Variants in CELF2 observed in about 807,000 individuals in gnomAD.
The protein encoded by CELF2 is CUGBP Elav-like family member 2, also known as CUG triplet repeat RNA-binding protein 2.
A neutral mutation model predicts 62.6 loss-of-function variants in CELF2; 8 were observed. The observed-to-expected ratio is 0.13, with a 90% CI of 0.07 to 0.23. The LOEUF is 0.23. Ranked by LOEUF, CELF2 falls within the 10% of genes least tolerant of loss-of-function variation. The pLI is 1.00. For synonymous variants in CELF2, 258 were observed against 250.0 expected, an observed-to-expected ratio of 1.03 and a Z score of -0.30; for missense variants, 333 against 671.0, an observed-to-expected ratio of 0.50 and a Z score of 5.56.
In CELF2 at chr10:11,104,943, G is replaced by A. The variant is rs192843033; in HGVS notation, c.75-60543G>A. Among the ~76,000 whole-genome samples the A allele has an allele frequency of 1.5e-4, 23 of 152,306 alleles. No individual in the cohort carries two copies. In the South Asian group the frequency reaches 2.3e-3, roughly 15 times the overall value. The stretch of plus-strand genomic sequence containing the variant: ...TGAAAACTGAGCTGCAGGGGCAGCT[G>A]CCAATTACAGTTGTGTAATCACCTT... On this transcript the variant is annotated intron_variant, in intron 1 of 12. Transcript: ENST00000633077.
the CELF2 span, among the ~76,000 whole-genome samples, chr10:10,500,304 CT>C: frequency 2.0e-5 from 3 of 152,108 alleles, no homozygotes; most frequent in Admixed American, 1.3e-4. Context: ...TAATTTTCCC[CT>C]AATAGTAACA....
rs1395500760 is a variant in CELF2 at position 11,157,949 on chromosome 10, G to GC, written c.75-7531dup. Among the ~76,000 whole-genome samples, 4 of 152,206 alleles carry GC rather than the reference G, an allele frequency of 2.6e-5. No individual in the cohort carries two copies. Among genetic ancestry groups the GC allele is most frequent in the Non-Finnish European group, 2.9e-5 (2 of 68,036 alleles). On this transcript the variant is annotated intron_variant, in intron 1 of 12. Transcript: ENST00000633077. This position sits in a 1 kb window ranked among gnomAD's most constrained non-coding sequence, Gnocchi z 4.9. ...ATCAGATGTCGTGTGTCTTTCGTTT[G>GC]CCCCCCTTGATGTGGGTCCCTTTAA...
rs1039785939 is a variant in CELF2, at chr10:11,223,250, G to T, written c.354+5743G>T. 6.6e-6 allele frequency among the ~76,000 whole-genome samples: 1 copy of T among 152,212 alleles called. No individual in the cohort carries two copies. Among genetic ancestry groups the T allele is most frequent in the African/African-American group, 2.4e-5 (1 of 41,448 alleles). On this transcript the variant is annotated intron_variant, in intron 3 of 12. Transcript: ENST00000633077. This position sits in a 1 kb window ranked among gnomAD's most constrained non-coding sequence, Gnocchi z 5.1. ...CAGGCCTGAGCGGGGCACTGCCTGAGGAGCTTCCTGAGCCATGAGGAAACA... is the reference window on the plus strand; with the variant it reads ...CAGGCCTGAGCGGGGCACTGCCTGATGAGCTTCCTGAGCCATGAGGAAACA...
At chr10:11,070,795 AG>A (rs2069695982) in intron 1 of CELF2, among the ~76,000 whole-genome samples, 1 of 152,194 alleles carries the variant, frequency 6.6e-6, no homozygotes, top group South Asian at 2.1e-4. Context: ...TGTTCGGGGA[AG>A]GGTGCATAGC....
chr10:10,965,492 A>G (rs917191184), intron 2 of CELF2, among the ~76,000 whole-genome samples: 5 of 152,204 alleles, frequency 3.3e-5, no homozygotes, highest in South Asian at 4.1e-4. Flanking sequence ...TCTTGTTGAA[A>G]TTCAATTCTG....
chr10:10,898,554 A>G (rs1471810337), intron 1 of CELF2, among the ~76,000 whole-genome samples: 1 of 152,236 alleles, frequency 6.6e-6, no homozygotes. Flanking sequence ...TAAAATGGTC[A>G]GTTTATCAGC....
intron 1 of CELF2, among the ~76,000 whole-genome samples, chr10:11,084,761 A>C (rs78294099): frequency 1.3e-5 from 2 of 152,066 alleles, no homozygotes; most frequent in Non-Finnish European, 2.9e-5. Flanking sequence ...AGAAAAAAAA[A>C]CCCACGGTCT....
chr10:10,842,939 T>C lies in CELF2; in HGVS notation c.53+44122T>C, dbSNP rs181679270. Among the ~76,000 whole-genome samples, 321 of 151,974 alleles carry C rather than the reference T, an allele frequency of 2.1e-3. 1 individual carries two copies. Among genetic ancestry groups the C allele is most frequent in the African/African-American group, 7.5e-3 (312 of 41,510 alleles). On this transcript the variant is annotated intron_variant, in intron 1 of 13. Transcript: ENST00000636488. ...CAGCCTGGTACACTTCTTTGGGAGG[T>C]GGAGGAAGAAAGGTTACTTATTAAT...
intron 2 of CELF2, among the ~76,000 whole-genome samples, chr10:10,945,819 G>A (rs2047605981): frequency 1.3e-5 from 2 of 152,206 alleles, no homozygotes; most frequent in African/African-American, 4.8e-5. Context: ...CCCAGGAAAG[G>A]GGCTGTTAAT....
At chr10:11,018,479 AGT>A (rs2057704251) in intron 1 of CELF2, among the ~76,000 whole-genome samples, 1 of 142,110 alleles carries the variant, frequency 7.0e-6, no homozygotes, top group Non-Finnish European at 1.5e-5. Flanking sequence ...CCGCGGGGTG[AGT>A]GGGGGACGGG....
At chr10:10,574,363 G>C in the CELF2 span, among the ~76,000 whole-genome samples, 1 of 152,148 alleles carries the variant, frequency 6.6e-6, no homozygotes, top group African/African-American at 2.4e-5. Flanking sequence ...TTCTGCTAGT[G>C]GGGGCCATGC....
the CELF2 span, among the ~76,000 whole-genome samples, chr10:10,629,978 T>A: frequency 6.6e-6 from 1 of 151,396 alleles, no homozygotes; most frequent in Non-Finnish European, 1.5e-5. Context: ...TATGGAAAAA[T>A]TTGTACCTCC....
chr10:11,165,497 C>T lies in CELF2; in HGVS notation c.86C>T (p.Ala29Val), dbSNP rs1385324823. ...TCCGTTTTTGACAGTAACGGCACAG[C>T]CAACAAGATGAACGGAGCTTTGGAT... ...LLVPDRINGT[A>V]NKMNGALDHS... The change falls in exon 2 of 13, where the codon GCC (alanine) becomes GTC (valine). Residue 29 changes from alanine (A) to valine (V), a missense_variant. Physicochemically the swap from Ala to Val is moderately conservative, Grantham distance 64. Coordinates refer to ENST00000633077, the MANE Select transcript of CELF2 (RefSeq NM_001326342.2). This position sits in a 1 kb window ranked among gnomAD's most constrained non-coding sequence, Gnocchi z 7.4. 6.2e-7 allele frequency: 1 copy of T among 1,613,722 alleles called. No homozygotes were observed. The highest frequency in any genetic ancestry group is 1.1e-5 in the South Asian group (1 of 91,034).
chr10:10,607,960 C>A, the CELF2 span, among the ~76,000 whole-genome samples: 1 of 151,806 alleles, frequency 6.6e-6, no homozygotes. Context: ...AACTCTGTCT[C>A]TTCTAAAACT....
In CELF2 at chr10:11,313,983, A is replaced by G. The variant is rs77621214; in HGVS notation, c.977-156A>G. On this transcript the variant is annotated intron_variant, in intron 9 of 12. Coordinates refer to ENST00000633077, the MANE Select transcript of CELF2 (RefSeq NM_001326342.2). ...ATTTTTTTAATCACCAAATCTGTCAAAATTGCCACAAGTACAATCCCACAT... is the reference window on the plus strand; with the variant it reads ...ATTTTTTTAATCACCAAATCTGTCAGAATTGCCACAAGTACAATCCCACAT... Among the ~76,000 whole-genome samples the G allele has an allele frequency of 4.6e-3, 706 of 152,214 alleles. 9 individuals carry two copies. Among genetic ancestry groups the G allele is most frequent in the East Asian group, 0.044 (228 of 5,182 alleles).
chr10:10,746,845 C>G, the CELF2 span, among the ~76,000 whole-genome samples: 2 of 152,138 alleles, frequency 1.3e-5, no homozygotes, highest in African/African-American at 4.8e-5. Flanking sequence ...TTGTACCAAC[C>G]TAATACCACA....
chr10:10,688,180 G>T, the CELF2 span, among the ~76,000 whole-genome samples: 4 of 152,178 alleles, frequency 2.6e-5, no homozygotes, highest in African/African-American at 7.2e-5. Flanking sequence ...GACAGCCGAT[G>T]GACTAAGTTC....
chr10:10,680,837 A>G, the CELF2 span, among the ~76,000 whole-genome samples: 36 of 152,352 alleles, frequency 2.4e-4, no homozygotes, highest in Middle Eastern at 3.4e-3. Flanking sequence ...TACTACGTAT[A>G]TATGAATAGG....
intron 8 of CELF2, among the ~76,000 whole-genome samples, chr10:11,287,348 A>G (rs933906856): frequency 3.9e-5 from 6 of 152,260 alleles, no homozygotes; most frequent in Admixed American, 1.3e-4. Flanking sequence ...TTGACCATTC[A>G]GAGAACCTTT....
Sources: allele counts gnomAD v4.1 joint callset (sites outside exome capture counted in the v4.1 genomes callset), GRCh38; gene constraint gnomAD v4.1.1; non-coding constraint Gnocchi (gnomAD v3.1); transcripts MANE v1.5; gene names NCBI Gene and HGNC (gene_info 2026-07-23, HGNC 2026-07-21).